The following INPP4B variants were observed in gnomAD, a reference collection of about 807,000 sequenced individuals.
INPP4B encodes the protein inositol polyphosphate-4-phosphatase type II B, also known as inositol polyphosphate 4-phosphatase type II.
In INPP4B, 55 loss-of-function variants were observed where a neutral mutation model predicts 122.5. The observed-to-expected ratio is 0.45, with a 90% confidence interval of 0.36 to 0.56. INPP4B has a LOEUF of 0.56. INPP4B is among the 20% of genes least tolerant of loss of function. INPP4B has a pLI of 0.00. For synonymous variants in INPP4B, 403 were observed against 388.7 expected, an observed-to-expected ratio of 1.04 and a Z score of -0.43; for missense variants, 1,000 against 1,097.7, an observed-to-expected ratio of 0.91 and a Z score of 1.26.
intron 12 of INPP4B, among the ~76,000 whole-genome samples, chr4:142,213,932 G>A (rs1391078578): frequency 6.6e-6 from 1 of 152,132 alleles, no homozygotes; most frequent in African/African-American, 2.4e-5. Flanking sequence ...AAGAACCATC[G>A]GTGCAGTAGG....
In INPP4B at chr4:142,575,233, G is replaced by GA. The variant is rs200621168; in HGVS notation, c.-190-112508dup. ...TGAGAGGCCAAACAAAAGGAAAAAA[G>GA]AAAAAAAAAGGGGAAATGAAGAACA... On this transcript the variant is annotated intron_variant, in intron 2 of 25. Coordinates refer to ENST00000262992, the MANE Select transcript of INPP4B (RefSeq NM_001101669.3). Among the ~76,000 whole-genome samples, 27 of 146,816 alleles carry GA rather than the reference G, an allele frequency of 1.8e-4. 1 individual carries two copies. The South Asian group carries it at 2.6e-3, about 14-fold the overall frequency.
intron 3 of INPP4B, among the ~76,000 whole-genome samples, chr4:142,459,927 T>C (rs1816356375): frequency 6.6e-5 from 10 of 152,184 alleles, no homozygotes; most frequent in Admixed American, 6.5e-4. Context: ...ATACTTTTAA[T>C]AAAAGGATAA....
chr4:142,434,958 A>T (rs910013356), intron 3 of INPP4B, among the ~76,000 whole-genome samples: 1 of 152,214 alleles, frequency 6.6e-6, no homozygotes, highest in Non-Finnish European at 1.5e-5. Context: ...GTTGGGCCAC[A>T]TTCAAAGCAA....
intron 2 of INPP4B, among the ~76,000 whole-genome samples, chr4:142,467,291 A>C (rs1560691335): frequency 6.6e-6 from 1 of 152,194 alleles, no homozygotes; most frequent in Non-Finnish European, 1.5e-5. Flanking sequence ...GACTGCGCCC[A>C]CAGAAGCCAC....
At chr4:142,341,778 G>A (rs1431803902) in intron 7 of INPP4B, among the ~76,000 whole-genome samples, 1 of 148,710 alleles carries the variant, frequency 6.7e-6, no homozygotes. Context: ...TTCTGGAGTG[G>A]GTCATATGGC....
intron 1 of INPP4B, among the ~76,000 whole-genome samples, chr4:142,810,966 G>C (rs1331751781): frequency 1.3e-5 from 2 of 152,148 alleles, no homozygotes; most frequent in Admixed American, 6.6e-5. Context: ...GACAGAAGGA[G>C]GTTCTATTCT....
At position 142,817,026 on chromosome 4, in the gene INPP4B, A is replaced by C. The variant is rs114129770; in HGVS notation, c.-254+29183T>G. On this transcript the variant is annotated intron_variant, in intron 1 of 25. Transcript: ENST00000262992. The stretch of plus-strand genomic sequence containing the variant: ...GTTAATATGAGTTAGTATAATAAGA[A>C]TTGATATAAGAATGGTTTCAGTTTA... Among the ~76,000 whole-genome samples the C allele has an allele frequency of 3.7e-3, 558 of 152,258 alleles. 2 individuals carry two copies. The highest frequency in any genetic ancestry group is 5.9e-3 in the Non-Finnish European group (404 of 68,014).
chr4:142,461,348 C>T (rs1816690470), intron 3 of INPP4B, among the ~76,000 whole-genome samples: 1 of 152,298 alleles, frequency 6.6e-6, no homozygotes. Flanking sequence ...AAATATGATT[C>T]AGATTAACTG....
chr4:142,288,516 G>A (rs756684410), intron 9 of INPP4B, among the ~76,000 whole-genome samples: 10 of 152,146 alleles, frequency 6.6e-5, no homozygotes, highest in Non-Finnish European at 1.0e-4. Context: ...CCAGGGAGGC[G>A]GAGCTTGCAG....
chr4:142,230,966 G>A (rs535566950), intron 12 of INPP4B, among the ~76,000 whole-genome samples: 12 of 151,954 alleles, frequency 7.9e-5, no homozygotes, highest in Non-Finnish European at 1.5e-4. Context: ...ATAGTGTTAT[G>A]AGAACACTTC....
chr4:142,076,221 C>T (rs1269992851), intron 25 of INPP4B, among the ~76,000 whole-genome samples: 1 of 151,982 alleles, frequency 6.6e-6, no homozygotes, highest in African/African-American at 2.4e-5. Context: ...TCTTGTCAGG[C>T]ATGAATATAA....
chr4:142,391,732 A>G (rs1797757830), intron 7 of INPP4B, among the ~76,000 whole-genome samples: 1 of 152,202 alleles, frequency 6.6e-6, no homozygotes, highest in Non-Finnish European at 1.5e-5. Flanking sequence ...AAAGAGTCCA[A>G]ATTGAATATA....
At chr4:142,748,510 C>T (rs924454009) in intron 1 of INPP4B, among the ~76,000 whole-genome samples, 4 of 151,292 alleles carry the variant, frequency 2.6e-5, no homozygotes, top group Non-Finnish European at 5.9e-5. Flanking sequence ...AAAGAAGAAA[C>T]AAAATTGTAA....
chr4:142,194,716 T>C (rs1485102552), intron 14 of INPP4B, among the ~76,000 whole-genome samples: 1 of 152,166 alleles, frequency 6.6e-6, no homozygotes, highest in Non-Finnish European at 1.5e-5. Flanking sequence ...TCCCTGGTGG[T>C]TTAAGTTACT....
chr4:142,160,343 A>G lies in INPP4B; in HGVS notation c.1563+15T>C. 1 of 1,441,460 alleles carries G rather than the reference A, an allele frequency of 6.9e-7. No homozygotes were observed. Among genetic ancestry groups the G allele is most frequent in the Non-Finnish European group, 9.3e-7 (1 of 1,071,830 alleles). The allele number at this position is 1,441,460 out of a possible 1,614,324, so 89.3% of individuals were successfully genotyped here. A position where few individuals can be genotyped will look rare whatever the true frequency, so the allele number is the denominator to read the frequency against. ...TGCCAAACATTGAGAGGCAAGCGAT[A>G]TACAAGAGACTTACCCACTCTTCCT... is the stretch of plus-strand genomic sequence containing the variant. On this transcript the variant is annotated intron_variant, in intron 17 of 25. Coordinates refer to ENST00000262992, the MANE Select transcript of INPP4B (RefSeq NM_001101669.3).
chr4:142,109,903 A>G (rs1789139676), intron 22 of INPP4B, among the ~76,000 whole-genome samples: 3 of 152,064 alleles, frequency 2.0e-5, no homozygotes, highest in African/African-American at 7.2e-5. Flanking sequence ...CTTGGTATAA[A>G]CTCAGTGTTC....
At chr4:142,098,462 G>C (rs550271632) in intron 23 of INPP4B, among the ~76,000 whole-genome samples, 1 of 152,084 alleles carries the variant, frequency 6.6e-6, no homozygotes, top group Admixed American at 6.6e-5. Context: ...TAGTGGATAC[G>C]AATGGACTAA....
At chr4:142,244,676 C>T (rs1357099717) in intron 11 of INPP4B, among the ~76,000 whole-genome samples, 2 of 152,130 alleles carry the variant, frequency 1.3e-5, no homozygotes, top group African/African-American at 2.4e-5. Flanking sequence ...GTGAACAGTG[C>T]TGCAATAAAC....
At chr4:142,466,137 G>T (rs1209698944) in intron 2 of INPP4B, among the ~76,000 whole-genome samples, 1 of 152,220 alleles carries the variant, frequency 6.6e-6, no homozygotes, top group African/African-American at 2.4e-5. Context: ...ATAATGGGCA[G>T]AAGTTGGAAG....
Sources: gnomAD v4.1 joint callset for allele counts (sites outside exome capture counted in the v4.1 genomes callset) on GRCh38, gnomAD v4.1.1 for gene constraint, MANE v1.5 for transcripts, NCBI Gene and HGNC (gene_info 2026-07-23, HGNC 2026-07-21) for gene names.